PRKD1: variants seen among roughly 807,000 people sequenced by gnomAD.
PRKD1 encodes protein kinase D1.
Under a neutral mutation model 95.9 loss-of-function variants are expected in PRKD1, and 63 were observed. The ratio of observed to expected loss-of-function variants is 0.66; its 90% CI spans 0.54 to 0.81. The LOEUF (loss-of-function observed/expected upper bound fraction) is 0.81. Ranked by LOEUF, PRKD1 falls within the 30% of genes least tolerant of loss-of-function variation. The pLI is 0.00. For missense variants in PRKD1, 1,048 were observed against 1,165.3 expected (o/e 0.90, Z 1.47); for synonymous variants, 425 against 423.1 (o/e 1.00, Z -0.05).
chr14:29,688,361 G>C (rs1231354873), intron 2 of PRKD1, among the ~76,000 whole-genome samples: 1 of 152,054 alleles, frequency 6.6e-6, no homozygotes, highest in Non-Finnish European at 1.5e-5. Flanking sequence ...ACAGTTTCCA[G>C]GATATAGAAC....
At chr14:29,865,220 CTGTT>C (rs1006234120) in intron 1 of PRKD1, among the ~76,000 whole-genome samples, 2 of 152,138 alleles carry the variant, frequency 1.3e-5, no homozygotes, top group Non-Finnish European at 2.9e-5. Context: ...GAGTGGGTGA[CTGTT>C]TGTCTTATTC....
Position 29,630,917 on chromosome 14 carries a change from T to G in PRKD1, c.1497A>C (p.Val499=). ...CCACATTTTCTCCCACATAATACAC[T>G]ACATTTGCCGTAGTGATTTCGAAAC... The part of the protein sequence containing the change: ...PHCFEITTAN[V]VYYVGENVVN... The change falls in exon 10 of 18, where the codon GTA becomes GTC. Residue 499 remains valine (V), a synonymous_variant. Transcript: ENST00000331968. 1 of 1,614,136 alleles carries G rather than the reference T, an allele frequency of 6.2e-7. No individual in the cohort carries two copies. Among genetic ancestry groups the G allele is most frequent in the Non-Finnish European group, 8.5e-7 (1 of 1,179,990 alleles).
intron 13 of PRKD1, among the ~76,000 whole-genome samples, chr14:29,603,577 A>G (rs1407899340): frequency 6.6e-6 from 1 of 152,220 alleles, no homozygotes; most frequent in Non-Finnish European, 1.5e-5. Context: ...CTTAAGTACA[A>G]TTTTAAAATA....
intron 13 of PRKD1, among the ~76,000 whole-genome samples, 165 bp from the exon 14 acceptor site, chr14:29,599,982 T>C (rs894983833): frequency 6.6e-6 from 1 of 152,186 alleles, no homozygotes; most frequent in Admixed American, 6.6e-5. Context: ...TTTTTGAAAT[T>C]CTAATGTCTC....
At chr14:29,736,619 T>C (rs1170049722) in intron 1 of PRKD1, among the ~76,000 whole-genome samples, 1 of 152,134 alleles carries the variant, frequency 6.6e-6, no homozygotes, top group Non-Finnish European at 1.5e-5. Flanking sequence ...AGTGCAAACA[T>C]CTGAGATAAG....
At chr14:29,696,755 T>C (rs977315861) in intron 2 of PRKD1, among the ~76,000 whole-genome samples, 3 of 152,018 alleles carry the variant, frequency 2.0e-5, no homozygotes, top group Non-Finnish European at 4.4e-5. Context: ...GTCATCTCAA[T>C]TTTTTTTGTT....
intron 1 of PRKD1, among the ~76,000 whole-genome samples, chr14:29,783,672 T>A (rs1385576143): frequency 1.3e-5 from 2 of 152,216 alleles, no homozygotes; most frequent in East Asian, 1.9e-4. Context: ...ATTTTTTTCA[T>A]AATAGACATT....
At chr14:29,866,633 TG>T (rs1230776444) in intron 1 of PRKD1, among the ~76,000 whole-genome samples, 1 of 151,928 alleles carries the variant, frequency 6.6e-6, no homozygotes, top group Non-Finnish European at 1.5e-5. Context: ...CAACAGGGGA[TG>T]GGGGCAGTGC....
chr14:29,839,227 G>C (rs1035210112), intron 1 of PRKD1, among the ~76,000 whole-genome samples: 1 of 152,196 alleles, frequency 6.6e-6, no homozygotes, highest in African/African-American at 2.4e-5. Flanking sequence ...AAATTTTCCA[G>C]TTGATGGATG....
chr14:29,884,839 T>C (rs1322326843), intron 1 of PRKD1, among the ~76,000 whole-genome samples: 1 of 152,148 alleles, frequency 6.6e-6, no homozygotes, highest in African/African-American at 2.4e-5. Flanking sequence ...TAAGAATTAG[T>C]AGGCTGGGCG....
intron 1 of PRKD1, among the ~76,000 whole-genome samples, chr14:29,843,983 T>A (rs1891976840): frequency 6.6e-6 from 1 of 152,152 alleles, no homozygotes; most frequent in South Asian, 2.1e-4. Flanking sequence ...ATAATCTCAT[T>A]TATCATCAAG....
rs376922830 is a variant in PRKD1 at position 29,640,150 on chromosome 14, G to A, written c.697-1246C>T. Among the ~76,000 whole-genome samples the A allele has an allele frequency of 1.3e-4, 20 of 152,200 alleles. No individual in the cohort carries two copies. The South Asian group carries it at 4.1e-3, about 32-fold the overall frequency. ...GACAGGCCTTATTACCTACAGTTGA[G>A]GCATCTAAGCTCATAAAGTTTAAAT... On this transcript the variant is annotated intron_variant, in intron 4 of 17. Transcript: ENST00000331968.
chr14:29,700,961 T>C (rs1048308058), intron 2 of PRKD1, among the ~76,000 whole-genome samples: 4 of 93,778 alleles, frequency 4.3e-5, no homozygotes, highest in African/African-American at 2.8e-4. Flanking sequence ...GGCATTTGTG[T>C]GTACGCGTGC....
intron 1 of PRKD1, among the ~76,000 whole-genome samples, chr14:29,870,708 T>C (rs997479693): frequency 6.6e-6 from 1 of 152,240 alleles, no homozygotes; most frequent in African/African-American, 2.4e-5. Flanking sequence ...TCTAAGAGTA[T>C]TTCTTGTCAC....
rs148212537 is a variant in PRKD1 at position 29,672,462 on chromosome 14, C to T, written c.404-6254G>A. ...TCTCTTATACTAAAATAATTACCTG[C>T]TGAGCAAAAAGTTAAATAAAAACAC... On this transcript the variant is annotated intron_variant, in intron 2 of 17. Transcript: ENST00000331968. 3.7e-4 allele frequency among the ~76,000 whole-genome samples: 56 copies of T among 152,086 alleles called. No individual in the cohort carries two copies. The Middle Eastern group carries it at 0.01, about 28-fold the overall frequency.
rs1893455030 is a variant in PRKD1 at position 29,599,915 on chromosome 14, G to C, written c.1906-98C>G. The C allele has an allele frequency of 4.5e-6, 5 of 1,103,188 alleles. No individual in the cohort carries two copies. The South Asian group carries it at 9.6e-5, about 21-fold the overall frequency. 68.3% of individuals were successfully genotyped at this position (1,103,188 alleles called of 1,614,324 possible). A position where few individuals can be genotyped will look rare whatever the true frequency, so the allele number is the denominator to read the frequency against. ...AAAACTGTTCAAGCTTAGAGCTATA[G>C]AGAAACCCACACTTAAGATTTTTAA... On this transcript the variant is annotated intron_variant, in intron 13 of 17. Coordinates refer to ENST00000331968, the MANE Select transcript of PRKD1 (RefSeq NM_002742.3).
chr14:29,604,797 T>C (rs1893646140), intron 13 of PRKD1, among the ~76,000 whole-genome samples: 1 of 152,224 alleles, frequency 6.6e-6, no homozygotes. Flanking sequence ...TAAAAGTATT[T>C]GTTAAAGATA....
intron 3 of PRKD1, among the ~76,000 whole-genome samples, chr14:29,665,867 T>G (rs1882465010): frequency 6.6e-6 from 1 of 152,096 alleles, no homozygotes; most frequent in Non-Finnish European, 1.5e-5. Context: ...AAAACCTATA[T>G]TTTCTCAACC....
intron 4 of PRKD1, among the ~76,000 whole-genome samples, chr14:29,660,963 C>T (rs1049558292): frequency 6.6e-6 from 1 of 151,532 alleles, no homozygotes; most frequent in Admixed American, 6.6e-5. Flanking sequence ...AAATTGACCA[C>T]ATCTTGGAAT....
Sources: gnomAD v4.1 joint callset for allele counts (sites outside exome capture counted in the v4.1 genomes callset) on GRCh38, gnomAD v4.1.1 for gene constraint, MANE v1.5 for transcripts, NCBI Gene and HGNC (gene_info 2026-07-23, HGNC 2026-07-21) for gene names.